The following NUDC variants were observed in gnomAD, a reference collection of about 807,000 sequenced individuals.
The protein encoded by NUDC is nuclear migration protein nudC.
Under a neutral mutation model 45.0 loss-of-function variants are expected in NUDC, and 14 were observed. That is an observed-to-expected ratio of 0.31 (90% confidence interval 0.21 to 0.49). The LOEUF (loss-of-function observed/expected upper bound fraction) is 0.49. Among genes scored for constraint, NUDC ranks in the 20% least tolerant of loss-of-function variants. The pLI is 0.99. For synonymous variants in NUDC, 153 were observed against 156.7 expected (o/e 0.98, Z 0.17); for missense variants, 323 against 426.2 (o/e 0.76, Z 2.13).
intron 1 of NUDC, among the ~76,000 whole-genome samples, chr1:26,922,836 C>G (rs1238100789): frequency 6.6e-6 from 1 of 152,152 alleles, no homozygotes; most frequent in African/African-American, 2.4e-5. Context: ...GACTTCTAAG[C>G]CCTTTGTGGT....
intron 1 of NUDC, among the ~76,000 whole-genome samples, chr1:26,900,675 T>C (rs2081973946): frequency 6.6e-6 from 1 of 152,072 alleles, no homozygotes; most frequent in Non-Finnish European, 1.5e-5. Flanking sequence ...TTCATAAAGC[T>C]CTCATGAGGA....
At position 26,941,792 on chromosome 1, in the gene NUDC, G is replaced by A. The variant is rs757017666; in HGVS notation, c.403G>A (p.Gly135Ser). The A allele has an allele frequency of 7.4e-6, 12 of 1,613,478 alleles. No individual in the cohort carries two copies. The highest frequency in any genetic ancestry group is 3.3e-5 in the South Asian group (3 of 91,032). ...GAATCATGAGGCCCAGCTCAAGAAC[G>A]GCAGCCTTGACTCCCCAGGGAAGCA... The part of the protein sequence containing the change: ...AENHEAQLKN[G>S]SLDSPGKQDT... Residue 135 changes from glycine (G) to serine (S), a missense_variant, in exon 4 of 9, where the codon GGC becomes AGC. By Grantham distance (56) the Gly-to-Ser change is moderately conservative. Coordinates refer to ENST00000321265, the MANE Select transcript of NUDC (RefSeq NM_006600.4).
chr1:26,924,138 T>C lies in NUDC; in HGVS notation c.131T>C (p.Ile44Thr), dbSNP rs746359639. Residue 44 changes from isoleucine to threonine, a missense_variant, in exon 2 of 9, where the codon ATT (isoleucine) becomes ACT (threonine). By Grantham distance (89) the Ile-to-Thr change is moderately conservative (BLOSUM62 -1). Transcript: ENST00000321265. ...CTTCGACGCAAAACAGACTTTTTCA[T>C]TGGAGGAGAAGAAGGGATGGCAGAG... Reference protein sequence around the residue: ...SFLRRKTDFFIGGEEGMAEKL... With the variant: ...SFLRRKTDFFTGGEEGMAEKL... The C allele has an allele frequency of 9.3e-6, 15 of 1,613,960 alleles. No homozygotes were observed. Among genetic ancestry groups the C allele is most frequent in the Middle Eastern group, 1.6e-4 (1 of 6,084 alleles).
upstream of NUDC, among the ~76,000 whole-genome samples, chr1:26,919,356 A>G (rs1436016552): frequency 6.6e-6 from 1 of 152,026 alleles, no homozygotes; most frequent in Non-Finnish European, 1.5e-5. Context: ...TCAACTCGTT[A>G]TTTAACTCCG....
At chr1:26,907,778 C>T (rs1335557073) in intron 2 of NUDC, among the ~76,000 whole-genome samples, 1 of 152,202 alleles carries the variant, frequency 6.6e-6, no homozygotes, top group Non-Finnish European at 1.5e-5. Context: ...GGTAGATGGT[C>T]AGTCAACAGT....
chr1:26,921,608 C>T (rs1246050445), upstream of NUDC: 3 of 583,468 alleles, frequency 5.1e-6, no homozygotes, highest in South Asian at 4.0e-5. Flanking sequence ...TTGATTGGCT[C>T]CGAATGTCGA....
At chr1:26,935,512 C>T (rs1207873247) in intron 2 of NUDC, among the ~76,000 whole-genome samples, 5 of 151,892 alleles carry the variant, frequency 3.3e-5, no homozygotes, top group African/African-American at 4.8e-5. Context: ...CAGGCAAAGG[C>T]GGAAAAGCCC....
rs7866 is a variant in NUDC, at chr1:26,946,353, C to T, written c.*172C>T. 21,747 of 679,726 alleles carry T rather than the reference C, an allele frequency of 0.032. 472 individuals carry two copies. The highest frequency in any genetic ancestry group is 0.044 in the Non-Finnish European group (16,466 of 373,580). 42.1% of individuals were successfully genotyped at this position (679,726 alleles called of 1,614,324 possible). ...AGGCTGGGTCTTGGGACCTTGTCCT[C>T]CCCAGTTGGCCTACTGTTACACATT... On this transcript the variant is annotated 3_prime_UTR_variant, in exon 9 of 9. Coordinates refer to ENST00000321265, the MANE Select transcript of NUDC (RefSeq NM_006600.4).
At chr1:26,941,062 C>T (rs1037749338) in intron 2 of NUDC, among the ~76,000 whole-genome samples, 1 of 149,236 alleles carries the variant, frequency 6.7e-6, no homozygotes, top group Non-Finnish European at 1.5e-5. Flanking sequence ...GCTGGGATTA[C>T]AGGCCCCCGC....
intron 2 of NUDC, among the ~76,000 whole-genome samples, chr1:26,934,075 C>G (rs553139887): frequency 6.6e-6 from 1 of 152,168 alleles, no homozygotes; most frequent in African/African-American, 2.4e-5. Context: ...ATCGCTTAAA[C>G]GTGGGAGGCA....
chr1:26,903,356 A>G (rs1395552043), intron 2 of NUDC, among the ~76,000 whole-genome samples: 1 of 152,210 alleles, frequency 6.6e-6, no homozygotes, highest in Non-Finnish European at 1.5e-5. Flanking sequence ...GAGGGAAATG[A>G]TAGATTTAGA....
intron 2 of NUDC, among the ~76,000 whole-genome samples, chr1:26,934,864 AGCCAGGATGGTCTCGATCTCCTG>A (rs1222963800): frequency 2.0e-5 from 3 of 152,008 alleles, no homozygotes; most frequent in Admixed American, 1.3e-4. Context: ...TCACCGTGTT[AGCCAGGATGGTCTCGATCTCCTG>A]GCCTCGTGAT....
intron 2 of NUDC, among the ~76,000 whole-genome samples, chr1:26,931,743 C>T (rs543531521): frequency 2.1e-4 from 31 of 150,810 alleles, no homozygotes; most frequent in African/African-American, 7.0e-4. Flanking sequence ...CGCCACTGCA[C>T]TCCAGCCTGG....
intron 2 of NUDC, among the ~76,000 whole-genome samples, chr1:26,937,108 TTG>T (rs1321142362): frequency 1.3e-5 from 2 of 152,216 alleles, no homozygotes; most frequent in African/African-American, 4.8e-5. Flanking sequence ...TTACTGTTAC[TTG>T]TTTATTATAA....
In NUDC at chr1:26,936,470, G is replaced by T. The variant is rs1166042125; in HGVS notation, c.160-4987G>T. Among the ~76,000 whole-genome samples the T allele has an allele frequency of 5.3e-5, 8 of 151,204 alleles. No homozygotes were observed. In the Admixed American group the frequency reaches 5.3e-4, roughly 10 times the overall value. On this transcript the variant is annotated intron_variant, in intron 2 of 8. Coordinates refer to ENST00000321265, the MANE Select transcript of NUDC (RefSeq NM_006600.4). ...CTCCCAGAGTGCCTGGTTTACAGGTGTGAGCCACCGAGCCCAGCCTAATTT... is the reference window on the plus strand; with the variant it reads ...CTCCCAGAGTGCCTGGTTTACAGGTTTGAGCCACCGAGCCCAGCCTAATTT...
At chr1:26,922,921 G>A (rs1024109737) in intron 1 of NUDC, among the ~76,000 whole-genome samples, 5 of 152,170 alleles carry the variant, frequency 3.3e-5, no homozygotes, top group African/African-American at 1.2e-4. Flanking sequence ...GCACAAAACT[G>A]GATTTGGGAG....
At chr1:26,937,653 T>A (rs989612378) in intron 2 of NUDC, among the ~76,000 whole-genome samples, 2 of 151,930 alleles carry the variant, frequency 1.3e-5, no homozygotes, top group Non-Finnish European at 2.9e-5. Context: ...TTATTTCTAT[T>A]TATTTGTTTG....
Position 26,921,941 on chromosome 1 carries a change from C to CGCGGCGTCGGCCCACCCG in NUDC, c.81+18_81+35dup, listed in dbSNP as rs1553162699. On this transcript the variant is annotated intron_variant, in intron 1 of 8. Transcript: ENST00000321265. ...GCGGCGTGCAGGAGGTAACGGCCCG[C>CGCGGCGTCGGCCCACCCG]GCGGCGTCGGCCCACCCGGCGGCCT... The CGCGGCGTCGGCCCACCCG allele has an allele frequency of 3.1e-5, 48 of 1,549,262 alleles. No individual in the cohort carries two copies. Among genetic ancestry groups the CGCGGCGTCGGCCCACCCG allele is most frequent in the Non-Finnish European group, 3.8e-5 (44 of 1,146,064 alleles).
At chr1:26,938,995 G>A (rs1401490058) in intron 2 of NUDC, among the ~76,000 whole-genome samples, 1 of 152,142 alleles carries the variant, frequency 6.6e-6, no homozygotes, top group East Asian at 1.9e-4. Context: ...AACAACACAT[G>A]CCAAGATTGC....
Sources: gnomAD v4.1 joint callset for allele counts (sites outside exome capture counted in the v4.1 genomes callset) on GRCh38, gnomAD v4.1.1 for gene constraint, MANE v1.5 for transcripts, NCBI Gene and HGNC (gene_info 2026-07-23, HGNC 2026-07-21) for gene names.